CNTNAP2: variants seen among roughly 807,000 people sequenced by gnomAD.
CNTNAP2 encodes the protein contactin-associated protein-like 2.
Under a neutral mutation model 155.2 loss-of-function variants are expected in CNTNAP2, and 98 were observed. The ratio of observed to expected loss-of-function variants is 0.63; its 90% CI spans 0.54 to 0.75. The LOEUF (loss-of-function observed/expected upper bound fraction) is 0.75. Among genes scored for constraint, CNTNAP2 ranks in the 30% least tolerant of loss-of-function variants. CNTNAP2 has a pLI of 0.00. For missense variants in CNTNAP2, 1,727 were observed against 1,688.1 expected, an observed-to-expected ratio of 1.02 and a Z score of -0.40; for synonymous variants, 651 against 631.2, an observed-to-expected ratio of 1.03 and a Z score of -0.47.
At chr7:147,515,818 T>C (rs1799116778) in intron 11 of CNTNAP2, among the ~76,000 whole-genome samples, 1 of 152,216 alleles carries the variant, frequency 6.6e-6, no homozygotes, top group African/African-American at 2.4e-5. Context: ...CATTCATTTA[T>C]TTGTGCTGGG....
chr7:146,538,325 A>T (rs1194863050), intron 1 of CNTNAP2, among the ~76,000 whole-genome samples: 1 of 152,136 alleles, frequency 6.6e-6, no homozygotes, highest in East Asian at 1.9e-4. Context: ...TGCTCAAGTT[A>T]CATAAAGCAG....
intron 13 of CNTNAP2, among the ~76,000 whole-genome samples, chr7:147,856,063 A>T (rs562788688): frequency 1.3e-5 from 2 of 152,282 alleles, no homozygotes; most frequent in Admixed American, 1.3e-4. Flanking sequence ...TTTGAGGTCG[A>T]GGAGACCACC....
At chr7:147,227,826 G>C (rs1379483961) in intron 8 of CNTNAP2, among the ~76,000 whole-genome samples, 1 of 152,122 alleles carries the variant, frequency 6.6e-6, no homozygotes, top group Non-Finnish European at 1.5e-5. Context: ...ACATGATCTG[G>C]GGGTGTACAA....
chr7:146,504,388 G>A (rs925168883), intron 1 of CNTNAP2, among the ~76,000 whole-genome samples: 2 of 152,194 alleles, frequency 1.3e-5, no homozygotes, highest in Non-Finnish European at 2.9e-5. Flanking sequence ...GAAACTCCTT[G>A]CAAAGCTGCT....
At chr7:146,136,578 G>T (rs1272815134) in intron 1 of CNTNAP2, among the ~76,000 whole-genome samples, 9 of 152,144 alleles carry the variant, frequency 5.9e-5, no homozygotes, top group Non-Finnish European at 1.5e-5. Context: ...GGGTGGTAGA[G>T]AGTTCATGCT....
intron 1 of CNTNAP2, among the ~76,000 whole-genome samples, chr7:146,263,702 G>A (rs774289647): frequency 2.6e-5 from 4 of 152,112 alleles, no homozygotes; most frequent in Non-Finnish European, 5.9e-5. Flanking sequence ...ATGAGATCAG[G>A]GATACCATAT....
intron 4 of CNTNAP2, among the ~76,000 whole-genome samples, chr7:147,077,410 G>A (rs1459987944): frequency 2.4e-4 from 37 of 152,090 alleles, no homozygotes; most frequent in Admixed American, 2.4e-3. Context: ...AAAGATGCAT[G>A]TATGATTCAA....
chr7:146,949,357 TG>T (rs931752064), intron 3 of CNTNAP2, among the ~76,000 whole-genome samples: 13 of 152,232 alleles, frequency 8.5e-5, no homozygotes, highest in African/African-American at 3.1e-4. Flanking sequence ...CTGATGTCTC[TG>T]AACTACATCG....
chr7:146,945,893 A>C (rs1797159367), intron 3 of CNTNAP2, among the ~76,000 whole-genome samples: 1 of 152,130 alleles, frequency 6.6e-6, no homozygotes, highest in African/African-American at 2.4e-5. Flanking sequence ...ATATTTGAAC[A>C]ATCATCACAA....
At chr7:146,523,567 T>C (rs930977535) in intron 1 of CNTNAP2, among the ~76,000 whole-genome samples, 1 of 152,140 alleles carries the variant, frequency 6.6e-6, no homozygotes, top group Non-Finnish European at 1.5e-5. Context: ...TATTATTTCC[T>C]TTTATCAGTG....
intron 1 of CNTNAP2, among the ~76,000 whole-genome samples, chr7:146,145,651 AC>A: frequency 1.3e-5 from 2 of 152,278 alleles, no homozygotes; most frequent in Admixed American, 1.3e-4. Context: ...GTCCCCTATT[AC>A]TGACCATGGT....
At chr7:146,535,238 A>ATATATATTATATATGATAT (rs1491409985) in intron 1 of CNTNAP2, among the ~76,000 whole-genome samples, 1 of 40,782 alleles carries the variant, frequency 2.5e-5, no homozygotes, top group Non-Finnish European at 3.6e-5. Context: ...ATATTATATC[A>ATATATATTATATATGATAT]TATATCATAT....
At chr7:148,256,943 G>A (rs1796465657) in intron 20 of CNTNAP2, among the ~76,000 whole-genome samples, 1 of 152,098 alleles carries the variant, frequency 6.6e-6, no homozygotes, top group African/African-American at 2.4e-5. Flanking sequence ...GCCCAGCTGG[G>A]GACTGGTAAT....
rs544772128 is a variant in CNTNAP2 at position 146,367,745 on chromosome 7, A to G, written c.97+250772A>G. On this transcript the variant is annotated intron_variant, in intron 1 of 23. Transcript: ENST00000361727. ...AAATTTTTAAATTAATGGACATTTT[A>G]ATTACATCTTCTTCCTTAGTACTAA... Among the ~76,000 whole-genome samples, 141 of 152,280 alleles carry G rather than the reference A, an allele frequency of 9.3e-4. 1 individual carries two copies. The highest frequency in any genetic ancestry group is 3.2e-3 in the African/African-American group (132 of 41,568).
chr7:146,660,904 C>A (rs62481822), intron 1 of CNTNAP2, among the ~76,000 whole-genome samples: 21,706 of 152,104 alleles, frequency 0.14, 1,881 homozygotes, highest in East Asian at 0.43. Flanking sequence ...AGCCACCTCA[C>A]CATAGCAAGA....
intron 3 of CNTNAP2, among the ~76,000 whole-genome samples, chr7:146,958,049 T>C (rs1290309055): frequency 6.6e-6 from 1 of 152,294 alleles, no homozygotes; most frequent in Non-Finnish European, 1.5e-5. Context: ...AACATATTCT[T>C]GAAATTGTCT....
intron 1 of CNTNAP2, among the ~76,000 whole-genome samples, chr7:146,128,709 G>T (rs972340989): frequency 6.6e-6 from 1 of 152,072 alleles, no homozygotes; most frequent in Admixed American, 6.6e-5. Flanking sequence ...ATTGAAATGG[G>T]TTAGCTCTGT....
intron 1 of CNTNAP2, among the ~76,000 whole-genome samples, chr7:146,175,106 G>T (rs1798451112): frequency 6.6e-6 from 1 of 152,118 alleles, no homozygotes. Flanking sequence ...AGCTGTTAGA[G>T]GATGGAGAGT....
intron 9 of CNTNAP2, among the ~76,000 whole-genome samples, chr7:147,324,825 C>T (rs1300278539): frequency 6.6e-6 from 1 of 151,664 alleles, no homozygotes; most frequent in African/African-American, 2.4e-5. Flanking sequence ...ATTTTCATTG[C>T]CAGTGAAGAC....
Sources: gnomAD v4.1 joint callset for allele counts (sites outside exome capture counted in the v4.1 genomes callset) on GRCh38, gnomAD v4.1.1 for gene constraint, MANE v1.5 for transcripts, NCBI Gene and HGNC (gene_info 2026-07-23, HGNC 2026-07-21) for gene names.